DOCK4: variants seen among roughly 807,000 people sequenced by gnomAD.
DOCK4 encodes dedicator of cytokinesis 4, also known as dedicator of cytokinesis protein 4.
DOCK4 carries 97 observed loss-of-function variants against 268.1 expected under a neutral mutation model. That is an observed-to-expected ratio of 0.36 (90% CI 0.31 to 0.43). The LOEUF (loss-of-function observed/expected upper bound fraction) is 0.43, where lower values mean the gene tolerates loss of function less well. Among genes scored for constraint, DOCK4 ranks in the 20% least tolerant of loss-of-function variants. The pLI is 1.00. For synonymous variants in DOCK4, 954 were observed against 887.2 expected, an observed-to-expected ratio of 1.08 and a Z score of -1.34; for missense variants, 2,145 against 2,455.7, an observed-to-expected ratio of 0.87 and a Z score of 2.67.
intron 1 of DOCK4, among the ~76,000 whole-genome samples, chr7:112,055,586 C>A (rs971241850): frequency 2.0e-5 from 3 of 152,114 alleles, no homozygotes; most frequent in African/African-American, 7.2e-5. Flanking sequence ...ACCTGTTGTA[C>A]TGCAAAAGAC....
chr7:111,999,620 G>T (rs1234960521), intron 3 of DOCK4, among the ~76,000 whole-genome samples: 2 of 151,884 alleles, frequency 1.3e-5, no homozygotes, highest in Non-Finnish European at 2.9e-5. Flanking sequence ...ATACTCTTTT[G>T]TCCCTTACCG....
At chr7:111,949,769 C>T (rs1240802439) in intron 8 of DOCK4, among the ~76,000 whole-genome samples, 1 of 152,122 alleles carries the variant, frequency 6.6e-6, no homozygotes, top group Non-Finnish European at 1.5e-5. Context: ...ACTAATCACT[C>T]AGCAAATGGT....
At chr7:111,734,907 A>C in intron 51 of DOCK4, 147 bp downstream of exon 51, 1 of 659,666 alleles carries the variant, frequency 1.5e-6, no homozygotes, top group Non-Finnish European at 2.7e-6. Context: ...GGAAAGAGGG[A>C]GACAATTGTC....
chr7:111,959,065 T>C (rs1237034551), intron 8 of DOCK4, among the ~76,000 whole-genome samples: 2 of 152,066 alleles, frequency 1.3e-5, no homozygotes, highest in South Asian at 2.1e-4. Context: ...AACAATCAAA[T>C]GATGGAGAAG....
intron 21 of DOCK4, among the ~76,000 whole-genome samples, chr7:111,868,477 G>A (rs373273865): frequency 2.0e-5 from 3 of 152,270 alleles, no homozygotes; most frequent in South Asian, 2.1e-4. Flanking sequence ...TTGGGAGGCC[G>A]AGGCGGGTGG....
At chr7:111,944,164 A>G (rs1795425757) in intron 10 of DOCK4, among the ~76,000 whole-genome samples, 1 of 152,222 alleles carries the variant, frequency 6.6e-6, no homozygotes, top group Non-Finnish European at 1.5e-5. Context: ...TTCATCACAG[A>G]ACATTAAAGT....
rs138897066 is a variant in DOCK4 at position 112,038,176 on chromosome 7, T to C, written c.38-34045A>G. On this transcript the variant is annotated intron_variant, in intron 1 of 52. Coordinates refer to ENST00000428084, the MANE Select transcript of DOCK4 (RefSeq NM_001363540.2). The stretch of plus-strand genomic sequence containing the variant: ...CCCAGATCATAACATTTTATATCTG[T>C]CAAGTAAGATTTGGAGGTGCTTTGT... 2.2e-3 allele frequency among the ~76,000 whole-genome samples: 336 copies of C among 152,350 alleles called. 1 individual carries two copies. The highest frequency in any genetic ancestry group is 7.6e-3 in the African/African-American group (318 of 41,580).
chr7:111,784,104 AG>A lies in DOCK4; in HGVS notation c.3420del (p.Tyr1141IlefsTer5). 1 of 1,580,026 alleles carries A rather than the reference AG, an allele frequency of 6.3e-7. No individual in the cohort carries two copies. The highest frequency in any genetic ancestry group is 8.6e-7 in the Non-Finnish European group (1 of 1,168,262). On this transcript the variant is annotated frameshift_variant, in exon 33 of 53. Coordinates refer to ENST00000428084, the MANE Select transcript of DOCK4 (RefSeq NM_001363540.2). LOFTEE classifies it high-confidence loss of function. The part of the protein sequence containing the change: ...LFNSIIPLFG[P>X]YPSLLKKIER... ...TTGCAAACAATGTCTTACCTAGGATAGGGACCAAATAGTGGAATTCTAATCC... is the reference window on the plus strand; with the variant it reads ...TTGCAAACAATGTCTTACCTAGGATAGGACCAAATAGTGGAATTCTAATCC...
intron 35 of DOCK4, among the ~76,000 whole-genome samples, chr7:111,780,808 C>A (rs1798743604): frequency 6.6e-6 from 1 of 152,160 alleles, no homozygotes; most frequent in Non-Finnish European, 1.5e-5. Flanking sequence ...AAGAACCTTC[C>A]ATGTGGAGTA....
intron 51 of DOCK4, among the ~76,000 whole-genome samples, chr7:111,733,689 CAG>C (rs1355737519): frequency 6.6e-6 from 1 of 152,170 alleles, no homozygotes; most frequent in Non-Finnish European, 1.5e-5. Context: ...AAATGCTTTT[CAG>C]GTTCTCAACT....
At position 111,755,603 on chromosome 7, in the gene DOCK4, TACAAAAC is replaced by T. The variant is rs1796969481; in HGVS notation, c.4330-9_4330-3del. 4 of 1,613,704 alleles carry T rather than the reference TACAAAAC, an allele frequency of 2.5e-6. No homozygotes were observed. The highest frequency in any genetic ancestry group is 2.5e-6 in the Non-Finnish European group (3 of 1,179,792). Reference sequence around the variant, plus strand: ...TGACGTTCTCTCCACCCAGAGACTCTACAAAACACAAAACACATTAAGTCTCCCAAGT... The same window carrying T: ...TGACGTTCTCTCCACCCAGAGACTCTACAAAACACATTAAGTCTCCCAAGT... On this transcript the variant is annotated splice_polypyrimidine_tract_variant and splice_region_variant and intron_variant, in intron 41 of 52. Coordinates refer to ENST00000428084, the MANE Select transcript of DOCK4 (RefSeq NM_001363540.2).
chr7:112,137,951 G>A (rs1197340974), intron 1 of DOCK4, among the ~76,000 whole-genome samples: 1 of 152,232 alleles, frequency 6.6e-6, no homozygotes, highest in Non-Finnish European at 1.5e-5. Flanking sequence ...TTAGCACACA[G>A]TCAACATTCA....
At chr7:111,928,506 T>G (rs1358059310) in intron 12 of DOCK4, among the ~76,000 whole-genome samples, 1 of 152,280 alleles carries the variant, frequency 6.6e-6, no homozygotes, top group Admixed American at 6.5e-5. Context: ...TATTTTTTCT[T>G]TGCTGTCATT....
chr7:112,065,403 C>T (rs1354294926), intron 1 of DOCK4, among the ~76,000 whole-genome samples: 1 of 151,960 alleles, frequency 6.6e-6, no homozygotes, highest in Non-Finnish European at 1.5e-5. Flanking sequence ...GTTATTCTCC[C>T]TCAGTGCCTT....
intron 25 of DOCK4, among the ~76,000 whole-genome samples, chr7:111,835,974 A>C (rs1262219903): frequency 6.6e-6 from 1 of 152,156 alleles, no homozygotes; most frequent in Non-Finnish European, 1.5e-5. Context: ...CAAGAAACTA[A>C]CCAGTGTGGG....
intron 6 of DOCK4, among the ~76,000 whole-genome samples, chr7:111,988,619 G>T (rs1284892179): frequency 6.6e-6 from 1 of 152,000 alleles, no homozygotes; most frequent in Non-Finnish European, 1.5e-5. Context: ...GTCTCCCTCC[G>T]GATTACACTG....
At chr7:111,937,057 T>C (rs1794801700) in intron 11 of DOCK4, among the ~76,000 whole-genome samples, 1 of 152,204 alleles carries the variant, frequency 6.6e-6, no homozygotes, top group Non-Finnish European at 1.5e-5. Context: ...TCCTATTAGA[T>C]AGTTAAGTGA....
intron 7 of DOCK4, among the ~76,000 whole-genome samples, chr7:111,979,681 G>C (rs990664258): frequency 2.0e-5 from 3 of 152,068 alleles, no homozygotes; most frequent in African/African-American, 7.2e-5. Flanking sequence ...ACTACTAAAG[G>C]CCAGAGCTAC....
At chr7:112,144,388 T>C (rs562261239) in intron 1 of DOCK4, among the ~76,000 whole-genome samples, 10 of 152,198 alleles carry the variant, frequency 6.6e-5, no homozygotes, top group Non-Finnish European at 1.3e-4. Flanking sequence ...GAAGTGTGTG[T>C]TCTCTATCTA....
Sources: allele counts gnomAD v4.1 joint callset (sites outside exome capture counted in the v4.1 genomes callset), GRCh38; gene constraint gnomAD v4.1.1; transcripts MANE v1.5; gene names NCBI Gene and HGNC (gene_info 2026-07-23, HGNC 2026-07-21).